The following RASGRP3 variants were observed in gnomAD, a reference collection of about 807,000 sequenced individuals.
RASGRP3 encodes ras guanyl-releasing protein 3.
RASGRP3 carries 54 observed loss-of-function variants against 82.7 expected under a neutral mutation model. That is an observed-to-expected ratio of 0.65 (90% CI 0.52 to 0.82). The LOEUF (loss-of-function observed/expected upper bound fraction) is 0.82, where lower values mean the gene tolerates loss of function less well. RASGRP3 is among the 40% of genes least tolerant of loss of function. The pLI is 0.00. For missense variants in RASGRP3, 861 were observed against 828.9 expected, an observed-to-expected ratio of 1.04 and a Z score of -0.48; for synonymous variants, 309 against 300.5, an observed-to-expected ratio of 1.03 and a Z score of -0.29.
intron 14 of RASGRP3, among the ~76,000 whole-genome samples, chr2:33,550,814 A>G (rs1675285547): frequency 6.6e-6 from 1 of 152,198 alleles, no homozygotes; most frequent in Admixed American, 6.5e-5. Flanking sequence ...AGCCCAATGC[A>G]GGAGTCTGTG....
intron 6 of RASGRP3, 82 bp from the exon 7 acceptor site, chr2:33,521,873 G>T: frequency 4.7e-6 from 7 of 1,498,176 alleles, no homozygotes; most frequent in Non-Finnish European, 6.2e-6. Flanking sequence ...CAAGCCAAGA[G>T]TTGCAGAGTC....
chr2:33,524,563 A>G lies in RASGRP3; in HGVS notation c.807+15A>G, dbSNP rs1271531954. On this transcript the variant is annotated intron_variant, in intron 9 of 17. Coordinates refer to ENST00000403687, the MANE Select transcript of RASGRP3 (RefSeq NM_001139488.2). ...AAGTTACAAAGGTATAGTAGACTTG[A>G]TCCTAATCAAAAGTAAAAAAATGCA... 1.3e-6 allele frequency: 2 copies of G among 1,526,286 alleles called. No homozygotes were observed. The allele number at this position is 1,526,286 out of a possible 1,614,324, so 94.5% of individuals were successfully genotyped here. A position where few individuals can be genotyped will look rare whatever the true frequency, so the allele number is the denominator to read the frequency against.
chr2:33,490,079 A>C (rs190600811), intron 1 of RASGRP3, among the ~76,000 whole-genome samples: 48 of 152,230 alleles, frequency 3.2e-4, no homozygotes, highest in African/African-American at 1.1e-3. Flanking sequence ...AATTATAACT[A>C]TTATCCATGT....
chr2:33,519,121 C>T (rs754148385), intron 4 of RASGRP3, among the ~76,000 whole-genome samples: 1 of 152,150 alleles, frequency 6.6e-6, no homozygotes, highest in Non-Finnish European at 1.5e-5. Flanking sequence ...TTTACACCAC[C>T]ATCACTACAA....
At chr2:33,497,060 G>C (rs1303840897) in intron 1 of RASGRP3, among the ~76,000 whole-genome samples, 1 of 151,984 alleles carries the variant, frequency 6.6e-6, no homozygotes, top group Non-Finnish European at 1.5e-5. Context: ...CAAGTACGTA[G>C]TAATAAGTTA....
chr2:33,442,891 T>C (rs962323783), intron 1 of RASGRP3, among the ~76,000 whole-genome samples: 5 of 152,160 alleles, frequency 3.3e-5, no homozygotes, highest in African/African-American at 1.2e-4. Context: ...TTGTTTTTTT[T>C]TTTTTTCTTT....
chr2:33,474,484 G>T (rs570525709), upstream of RASGRP3, among the ~76,000 whole-genome samples: 1 of 152,164 alleles, frequency 6.6e-6, no homozygotes, highest in African/African-American at 2.4e-5. Flanking sequence ...TGTATTTTTA[G>T]TAGAGACAGG....
chr2:33,510,753 G>A (rs112976298), intron 1 of RASGRP3, among the ~76,000 whole-genome samples: 90 of 152,222 alleles, frequency 5.9e-4, no homozygotes, highest in Non-Finnish European at 8.7e-4. Flanking sequence ...AGTAAAGTAC[G>A]CAGCATTATG....
At chr2:33,441,954 A>G (rs1665246574) in intron 1 of RASGRP3, among the ~76,000 whole-genome samples, 1 of 152,228 alleles carries the variant, frequency 6.6e-6, no homozygotes, top group African/African-American at 2.4e-5. Flanking sequence ...AATTTTATAC[A>G]GACATTAAAT....
At chr2:33,521,805 G>C in intron 6 of RASGRP3, 150 bp from the exon 7 acceptor site, 1 of 960,912 alleles carries the variant, frequency 1.0e-6, no homozygotes, top group Non-Finnish European at 1.5e-6. Context: ...CAACTGGTCA[G>C]TGGTTTTCTC....
chr2:33,447,304 C>G (rs978387725), intron 1 of RASGRP3, among the ~76,000 whole-genome samples: 1 of 152,070 alleles, frequency 6.6e-6, no homozygotes, highest in Non-Finnish European at 1.5e-5. Flanking sequence ...ACAGACTGTT[C>G]TGGAACACTC....
chr2:33,530,084 G>A (rs906001242), intron 10 of RASGRP3, among the ~76,000 whole-genome samples: 3 of 152,142 alleles, frequency 2.0e-5, no homozygotes, highest in African/African-American at 4.8e-5. Flanking sequence ...AGAGCCCAGC[G>A]GCCATTTTAG....
intron 1 of RASGRP3, among the ~76,000 whole-genome samples, chr2:33,447,609 G>A (rs1265388660): frequency 6.6e-6 from 1 of 151,908 alleles, no homozygotes; most frequent in Non-Finnish European, 1.5e-5. Context: ...CTAATTTTTT[G>A]TGTTAGTAGA....
At chr2:33,485,209 C>T (rs1287372415) in intron 1 of RASGRP3, among the ~76,000 whole-genome samples, 1 of 152,160 alleles carries the variant, frequency 6.6e-6, no homozygotes, top group Non-Finnish European at 1.5e-5. Context: ...AAAACAACAA[C>T]AAAACTCTAT....
intron 2 of RASGRP3, among the ~76,000 whole-genome samples, chr2:33,460,360 C>A (rs1391385008): frequency 2.0e-5 from 3 of 152,038 alleles, no homozygotes; most frequent in Non-Finnish European, 2.9e-5. Flanking sequence ...ATACCTTTTT[C>A]TATCCTATAT....
At chr2:33,512,146 A>T (rs184720706) in intron 2 of RASGRP3, among the ~76,000 whole-genome samples, 3 of 152,308 alleles carry the variant, frequency 2.0e-5, no homozygotes, top group African/African-American at 4.8e-5. Flanking sequence ...ACATCTACTG[A>T]TTGCAGAAAC....
intron 1 of RASGRP3, chr2:33,492,942 C>T (rs1668984366): frequency 1.3e-5 from 2 of 152,182 alleles, no homozygotes; most frequent in African/African-American, 2.4e-5. Context: ...CCAGTAGTAC[C>T]ACGCCTGGCT....
chr2:33,533,616 C>T (rs1024816463), intron 10 of RASGRP3: 5 of 152,154 alleles, frequency 3.3e-5, no homozygotes, highest in Admixed American at 3.3e-4. Flanking sequence ...GAGGAAATTA[C>T]TTGCTAAAGG....
chr2:33,455,117 A>G (rs1440754579), intron 2 of RASGRP3, among the ~76,000 whole-genome samples: 3 of 152,328 alleles, frequency 2.0e-5, no homozygotes, highest in Admixed American at 6.5e-5. Flanking sequence ...ACCCTCTTCT[A>G]TAGGAGATGA....
Sources: allele counts gnomAD v4.1 joint callset (sites outside exome capture counted in the v4.1 genomes callset), GRCh38; gene constraint gnomAD v4.1.1; transcripts MANE v1.5; gene names NCBI Gene and HGNC (gene_info 2026-07-23, HGNC 2026-07-21).